Variants in DNER observed in about 807,000 individuals in gnomAD.
DNER encodes the protein delta and Notch-like epidermal growth factor-related receptor.
Under a neutral mutation model 78.2 loss-of-function variants are expected in DNER, and 33 were observed. The observed-to-expected ratio is 0.42, with a 90% CI of 0.32 to 0.56. The LOEUF (loss-of-function observed/expected upper bound fraction) is 0.56. Among genes scored for constraint, DNER ranks in the 20% least tolerant of loss-of-function variants. The probability of loss-of-function intolerance (pLI) is 0.11; values close to 1 mark genes in which losing one functional copy is unlikely to be tolerated. For synonymous variants in DNER, 417 were observed against 384.8 expected (o/e 1.08, Z -0.98); for missense variants, 918 against 975.3 (o/e 0.94, Z 0.78).
At chr2:229,444,168 A>C (rs1033593341) in intron 8 of DNER, among the ~76,000 whole-genome samples, 51 of 152,232 alleles carry the variant, frequency 3.4e-4, no homozygotes, top group Non-Finnish European at 6.2e-4. Context: ...TTTAGCAGAG[A>C]ATAGACGGAA....
chr2:229,396,047 A>G (rs1693133282), intron 10 of DNER, among the ~76,000 whole-genome samples: 1 of 152,142 alleles, frequency 6.6e-6, no homozygotes, highest in South Asian at 2.1e-4. Context: ...ACCTTGTTTC[A>G]CCTAAGAGTC....
rs562218559 is a variant in DNER at position 229,611,459 on chromosome 2, T to C, written c.277-19571A>G. ...GTCACTTTATAAATTACATAAGAAGTAAATTTACAAAGTTCTGCCACTTAA... is the reference window on the plus strand; with the variant it reads ...GTCACTTTATAAATTACATAAGAAGCAAATTTACAAAGTTCTGCCACTTAA... On this transcript the variant is annotated intron_variant, in intron 1 of 12. Coordinates refer to ENST00000341772, the MANE Select transcript of DNER (RefSeq NM_139072.4). 3.3e-5 allele frequency among the ~76,000 whole-genome samples: 5 copies of C among 152,338 alleles called. No individual in the cohort carries two copies. In the East Asian group the frequency reaches 9.6e-4, roughly 29 times the overall value.
chr2:229,682,939 C>T (rs1263725903), intron 1 of DNER, among the ~76,000 whole-genome samples: 1 of 152,146 alleles, frequency 6.6e-6, no homozygotes, highest in African/African-American at 2.4e-5. Context: ...AGGGTTATTG[C>T]TTTCAACAAG....
At chr2:229,557,203 TTGAAAAGCCAGTGTGAGTTCTTTGA>T (rs1696869166) in intron 4 of DNER, among the ~76,000 whole-genome samples, 1 of 152,212 alleles carries the variant, frequency 6.6e-6, no homozygotes, top group African/African-American at 2.4e-5. Flanking sequence ...TTGAGAGCTG[TTGAAAAGCCAGTGTGAGTTCTTTGA>T]CACAGCACTC....
At chr2:229,648,193 G>A (rs1698753422) in intron 1 of DNER, among the ~76,000 whole-genome samples, 1 of 152,158 alleles carries the variant, frequency 6.6e-6, no homozygotes, top group Non-Finnish European at 1.5e-5. Flanking sequence ...TTCTCTTTCT[G>A]TTTATTGATG....
intron 1 of DNER, among the ~76,000 whole-genome samples, chr2:229,694,158 G>A (rs1395387887): frequency 2.6e-5 from 4 of 152,250 alleles, no homozygotes; most frequent in Non-Finnish European, 5.9e-5. Flanking sequence ...ATGTGGTGTT[G>A]AGCCTGTGGG....
intron 5 of DNER, among the ~76,000 whole-genome samples, chr2:229,517,109 C>CAAA (rs57947628): frequency 1.7e-5 from 1 of 57,836 alleles, no homozygotes; most frequent in South Asian, 6.4e-4. Flanking sequence ...GACTCCGTCT[C>CAAA]AAAAAAAAAA....
chr2:229,399,895 A>G (rs1292787930), intron 10 of DNER, among the ~76,000 whole-genome samples: 3 of 152,060 alleles, frequency 2.0e-5, no homozygotes, highest in African/African-American at 7.2e-5. Flanking sequence ...AAAAGATTCT[A>G]ACTATATTAC....
chr2:229,383,487 C>T (rs1452637279), intron 11 of DNER, among the ~76,000 whole-genome samples: 1 of 152,082 alleles, frequency 6.6e-6, no homozygotes, highest in Non-Finnish European at 1.5e-5. Flanking sequence ...AGAGTCAAGA[C>T]CCATTGGTGT....
At chr2:229,428,801 A>G (rs946555786) in intron 8 of DNER, among the ~76,000 whole-genome samples, 4 of 152,174 alleles carry the variant, frequency 2.6e-5, no homozygotes, top group African/African-American at 9.6e-5. Flanking sequence ...GTAAGAAGAC[A>G]CAAGAAGTCA....
At chr2:229,600,792 C>G (rs1452760842) in intron 1 of DNER, among the ~76,000 whole-genome samples, 1 of 152,144 alleles carries the variant, frequency 6.6e-6, no homozygotes, top group African/African-American at 2.4e-5. Context: ...ATGAGCAACC[C>G]ATGCCAAGGC....
chr2:229,579,107 A>G (rs955956120), intron 4 of DNER, among the ~76,000 whole-genome samples: 3 of 152,224 alleles, frequency 2.0e-5, no homozygotes, highest in African/African-American at 7.2e-5. Flanking sequence ...ATGATCTTAA[A>G]TAGCACAGAC....
At chr2:229,635,028 C>A (rs1377067092) in intron 1 of DNER, among the ~76,000 whole-genome samples, 1 of 152,220 alleles carries the variant, frequency 6.6e-6, no homozygotes, top group Non-Finnish European at 1.5e-5. Flanking sequence ...AGGCTGGTAG[C>A]AGTGTCTGTG....
At chr2:229,449,433 G>A (rs949656386) in intron 7 of DNER, among the ~76,000 whole-genome samples, 40 of 152,162 alleles carry the variant, frequency 2.6e-4, no homozygotes, top group Admixed American at 5.2e-4. Context: ...TGATTTCCTC[G>A]AGCATGACAC....
At chr2:229,519,977 C>G (rs1371708103) in intron 5 of DNER, among the ~76,000 whole-genome samples, 3 of 152,142 alleles carry the variant, frequency 2.0e-5, no homozygotes, top group African/African-American at 7.2e-5. Flanking sequence ...AAAAACTATC[C>G]TATCTGGTGG....
At chr2:229,478,555 G>A (rs976896671) in intron 6 of DNER, among the ~76,000 whole-genome samples, 2 of 152,112 alleles carry the variant, frequency 1.3e-5, no homozygotes, top group Non-Finnish European at 2.9e-5. Context: ...AGGAGAAAAG[G>A]CTATTTCAAA....
chr2:229,396,000 CA>C (rs1386546119), intron 10 of DNER, among the ~76,000 whole-genome samples: 1 of 152,150 alleles, frequency 6.6e-6, no homozygotes, highest in Admixed American at 6.5e-5. Context: ...ATAACAATGG[CA>C]GCCTAAGTTC....
intron 1 of DNER, among the ~76,000 whole-genome samples, chr2:229,624,506 A>G (rs1239984569): frequency 6.7e-6 from 1 of 150,290 alleles, no homozygotes; most frequent in East Asian, 2.0e-4. Context: ...TAAAAAAAAA[A>G]TAGTTAAATA....
At chr2:229,534,860 G>A (rs566318815) in intron 5 of DNER, among the ~76,000 whole-genome samples, 103 of 151,980 alleles carry the variant, frequency 6.8e-4, no homozygotes, top group Non-Finnish European at 1.1e-3. Context: ...TTTTGAGATG[G>A]AGTCTTACTC....
Sources: allele counts gnomAD v4.1 joint callset (sites outside exome capture counted in the v4.1 genomes callset), GRCh38; gene constraint gnomAD v4.1.1; transcripts MANE v1.5; gene names NCBI Gene and HGNC (gene_info 2026-07-23, HGNC 2026-07-21).